The following DCAF6 variants were observed in gnomAD, a reference collection of about 807,000 sequenced individuals.
DCAF6 encodes DDB1- and CUL4-associated factor 6.
In DCAF6, 54 loss-of-function variants were observed where a neutral mutation model predicts 125.1. The observed-to-expected ratio is 0.43, with a 90% CI of 0.35 to 0.54. The LOEUF (loss-of-function observed/expected upper bound fraction) is 0.54. Among genes scored for constraint, DCAF6 ranks in the 20% least tolerant of loss-of-function variants. The probability of loss-of-function intolerance (pLI) is 0.01; values close to 1 mark genes in which losing one functional copy is unlikely to be tolerated. For missense variants in DCAF6, 934 were observed against 1,161.7 expected (o/e 0.80, Z 2.85); for synonymous variants, 371 against 390.4 (o/e 0.95, Z 0.58).
At chr1:167,906,000 GA>G in the DCAF6 span, among the ~76,000 whole-genome samples, 4 of 152,240 alleles carry the variant, frequency 2.6e-5, no homozygotes, top group East Asian at 7.7e-4. Flanking sequence ...AGGTTATACA[GA>G]AAATATAAGA....
intron 4 of DCAF6, among the ~76,000 whole-genome samples, chr1:167,975,428 A>G (rs892215180): frequency 3.3e-5 from 5 of 152,256 alleles, no homozygotes; most frequent in African/African-American, 1.2e-4. Context: ...TCCAGTAGAC[A>G]AAAGAATCAG....
At chr1:167,881,206 T>G in the DCAF6 span, among the ~76,000 whole-genome samples, 1 of 152,224 alleles carries the variant, frequency 6.6e-6, no homozygotes. Flanking sequence ...GTAGGTTTTC[T>G]TATCATAAAG....
At position 168,065,661 on chromosome 1, in the gene DCAF6, G is replaced by A; in HGVS notation, c.2511G>A (p.Trp837Ter). The change falls in exon 19 of 22, where the codon TGG becomes TGA. Residue 837 changes from tryptophan to a stop codon, truncating the protein, a stop_gained. Transcript: ENST00000367840. LOFTEE classifies it high-confidence loss of function. The part of the protein sequence containing the change: ...SGSDCGHIFI[W>*]DRHTAEHLML... ...CTGACTGTGGCCACATTTTCATCTG[G>A]GATCGGCACACTGCTGAGCATTTGA... The A allele has an allele frequency of 6.2e-7, 1 of 1,613,236 alleles. No individual in the cohort carries two copies. The highest frequency in any genetic ancestry group is 2.2e-5 in the East Asian group (1 of 44,866).
intron 17 of DCAF6, among the ~76,000 whole-genome samples, chr1:168,061,851 G>GT (rs1204834375): frequency 6.6e-6 from 1 of 152,072 alleles, no homozygotes; most frequent in African/African-American, 2.4e-5. Context: ...CAGTTTGAGA[G>GT]TATCTATTAA....
At chr1:167,933,357 G>A (rs1454187293), upstream of DCAF6, among the ~76,000 whole-genome samples, 1 of 152,042 alleles carries the variant, frequency 6.6e-6, no homozygotes, top group East Asian at 1.9e-4. Flanking sequence ...AGTAGAGATA[G>A]GGTTTCATCA....
chr1:167,963,026 A>G (rs919958791), intron 2 of DCAF6, among the ~76,000 whole-genome samples: 9 of 151,910 alleles, frequency 5.9e-5, no homozygotes, highest in Admixed American at 3.9e-4. Context: ...TTGGGAGGCC[A>G]AGGCGGGTGG....
At chr1:167,997,327 T>C (rs898495319) in intron 7 of DCAF6, among the ~76,000 whole-genome samples, 6 of 152,234 alleles carry the variant, frequency 3.9e-5, no homozygotes, top group African/African-American at 1.4e-4. Context: ...TTAAGAATAG[T>C]TCGTATGAAG....
the DCAF6 span, chr1:167,904,060 C>G: frequency 3.0e-6 from 3 of 1,003,842 alleles, no homozygotes; most frequent in African/African-American, 4.8e-5. Context: ...AGAGGACTAC[C>G]CTGGAAGGCA....
chr1:168,023,163 G>A (rs1685878210), intron 12 of DCAF6, 116 bp downstream of exon 12: 1 of 1,074,640 alleles, frequency 9.3e-7, no homozygotes, highest in Admixed American at 2.0e-5. Context: ...CTTATAGTCA[G>A]TATTTTGTGG....
chr1:167,888,292 T>C, the DCAF6 span, among the ~76,000 whole-genome samples: 2 of 152,306 alleles, frequency 1.3e-5, no homozygotes, highest in South Asian at 2.1e-4. Context: ...TTTTAGAATT[T>C]TTTTTTTCTA....
chr1:167,941,568 G>GT (rs995123171), intron 1 of DCAF6, among the ~76,000 whole-genome samples: 2 of 151,696 alleles, frequency 1.3e-5, no homozygotes, highest in Non-Finnish European at 2.9e-5. Context: ...GATGCATTCT[G>GT]TTTTTTTTCA....
At chr1:167,965,480 A>G (rs1426819130) in intron 2 of DCAF6, among the ~76,000 whole-genome samples, 1 of 152,182 alleles carries the variant, frequency 6.6e-6, no homozygotes, top group Admixed American at 6.5e-5. Context: ...GGGATACCCA[A>G]AATGGTTTCT....
chr1:168,039,749 TATA>T (rs1161416382), intron 13 of DCAF6, among the ~76,000 whole-genome samples: 4 of 148,758 alleles, frequency 2.7e-5, no homozygotes, highest in Admixed American at 6.7e-5. Flanking sequence ...ATATATGTAA[TATA>T]ATATAGTTAT....
At chr1:168,019,823 G>C (rs1685461708) in intron 11 of DCAF6, 1 of 174,800 alleles carries the variant, frequency 5.7e-6, no homozygotes, top group South Asian at 1.2e-4. Context: ...ACCCGATCCT[G>C]TGCAAGCAGG....
chr1:167,932,249 C>T (rs1670932638), upstream of DCAF6, among the ~76,000 whole-genome samples: 1 of 152,040 alleles, frequency 6.6e-6, no homozygotes, highest in African/African-American at 2.4e-5. Context: ...AGTATACATC[C>T]TGTTTATAAA....
At chr1:167,905,153 TG>T in the DCAF6 span, 1 of 1,614,198 alleles carries the variant, frequency 6.2e-7, no homozygotes, top group Non-Finnish European at 8.5e-7. Flanking sequence ...TCAAGACAAA[TG>T]TTCAGGATTT....
the DCAF6 span, among the ~76,000 whole-genome samples, chr1:167,914,459 C>T: frequency 1.3e-5 from 2 of 152,220 alleles, no homozygotes; most frequent in Non-Finnish European, 2.9e-5. Context: ...ATAGTGGTTA[C>T]AGCTTGTACC....
intron 3 of DCAF6, among the ~76,000 whole-genome samples, chr1:167,971,547 T>G (rs138116371): frequency 1.3e-3 from 195 of 152,320 alleles, no homozygotes; most frequent in African/African-American, 4.5e-3. Flanking sequence ...ACTTTTGGAC[T>G]GAGCTTCAAG....
intron 16 of DCAF6, among the ~76,000 whole-genome samples, chr1:168,046,522 T>C (rs189098976): frequency 3.9e-5 from 6 of 152,286 alleles, no homozygotes; most frequent in Admixed American, 3.9e-4. Context: ...GGCACTTTTT[T>C]TGTAGATATG....
Sources: gnomAD v4.1 joint callset for allele counts (sites outside exome capture counted in the v4.1 genomes callset) on GRCh38, gnomAD v4.1.1 for gene constraint, MANE v1.5 for transcripts, NCBI Gene and HGNC (gene_info 2026-07-23, HGNC 2026-07-21) for gene names.